The following LDB2 variants were observed in gnomAD, a reference collection of about 807,000 sequenced individuals.
LDB2 encodes the protein LIM domain binding 2.
LDB2 carries 12 observed loss-of-function variants against 44.3 expected under a neutral mutation model. That is an observed-to-expected ratio of 0.27 (90% CI 0.17 to 0.44). The LOEUF (loss-of-function observed/expected upper bound fraction) is 0.44. LDB2 is among the 20% of genes least tolerant of loss of function. The pLI is 1.00. For missense variants in LDB2, 344 were observed against 473.5 expected (o/e 0.73, Z 2.54); for synonymous variants, 164 against 174.8 (o/e 0.94, Z 0.49).
intron 3 of LDB2, among the ~76,000 whole-genome samples, chr4:16,589,984 G>T (rs1200095884): frequency 6.6e-6 from 1 of 152,108 alleles, no homozygotes; most frequent in East Asian, 1.9e-4. Context: ...ATGTACGTAG[G>T]CTACCTGGAA....
At chr4:16,768,472 G>A (rs1374761417) in intron 1 of LDB2, among the ~76,000 whole-genome samples, 2 of 152,062 alleles carry the variant, frequency 1.3e-5, no homozygotes, top group Non-Finnish European at 2.9e-5. Context: ...TGAAATGACC[G>A]AGGCAGAAAC....
intron 2 of LDB2, among the ~76,000 whole-genome samples, chr4:16,643,070 A>T (rs1392520667): frequency 6.6e-6 from 1 of 151,580 alleles, no homozygotes; most frequent in Non-Finnish European, 1.5e-5. Context: ...ACTTGTATGT[A>T]TATTTATTAC....
intron 1 of LDB2, among the ~76,000 whole-genome samples, chr4:16,871,765 C>T (rs931772527): frequency 7.9e-6 from 1 of 125,826 alleles, no homozygotes; most frequent in African/African-American, 5.7e-5. Context: ...GGATCACAGG[C>T]GCCCACCACC....
intron 2 of LDB2, among the ~76,000 whole-genome samples, chr4:16,732,428 C>T (rs564199790): frequency 1.3e-5 from 2 of 152,178 alleles, no homozygotes; most frequent in Non-Finnish European, 2.9e-5. Flanking sequence ...CTTTCGGAGC[C>T]CAAGGAAGCT....
chr4:16,689,605 T>G lies in LDB2; in HGVS notation c.235+69553A>C, dbSNP rs745861227. On this transcript the variant is annotated intron_variant, in intron 2 of 7. Coordinates refer to ENST00000304523, the MANE Select transcript of LDB2 (RefSeq NM_001290.5). ...CTCTTCCACTTAGAAGCTGTCTGAC[T>G]CCTGTTAAATTCTTCAATCTACTTC... Among the ~76,000 whole-genome samples the G allele has an allele frequency of 4.7e-4, 71 of 152,322 alleles. 2 individuals are homozygous for G. The highest frequency in any genetic ancestry group is 6.8e-3 in the Middle Eastern group (2 of 294).
At chr4:16,840,485 T>C (rs1048115716) in intron 1 of LDB2, among the ~76,000 whole-genome samples, 1 of 152,060 alleles carries the variant, frequency 6.6e-6, no homozygotes, top group African/African-American at 2.4e-5. Flanking sequence ...AAGTCAGCAG[T>C]GGGAAGAGGA....
chr4:16,738,801 A>T (rs2108987202), intron 2 of LDB2, among the ~76,000 whole-genome samples: 1 of 152,346 alleles, frequency 6.6e-6, no homozygotes, highest in South Asian at 2.1e-4. Flanking sequence ...TAACATTTGC[A>T]GTCCCATATT....
chr4:16,794,786 T>C (rs1253706232), intron 1 of LDB2, among the ~76,000 whole-genome samples: 1 of 152,236 alleles, frequency 6.6e-6, no homozygotes, highest in Non-Finnish European at 1.5e-5. Flanking sequence ...ATTATTAAAG[T>C]TCTCAGCCTT....
At chr4:16,535,475 A>G (rs1486804609) in intron 5 of LDB2, among the ~76,000 whole-genome samples, 3 of 152,196 alleles carry the variant, frequency 2.0e-5, no homozygotes, top group African/African-American at 7.2e-5. Context: ...GCCAGGTTCT[A>G]TGTCAGATAC....
chr4:16,847,977 T>C (rs531085710), intron 1 of LDB2, among the ~76,000 whole-genome samples: 2 of 152,170 alleles, frequency 1.3e-5, no homozygotes, highest in Admixed American at 6.5e-5. Flanking sequence ...AAAAGCCAAA[T>C]ATAAATGTAA....
chr4:16,803,349 G>C (rs1778207930), intron 1 of LDB2, among the ~76,000 whole-genome samples: 1 of 152,122 alleles, frequency 6.6e-6, no homozygotes, highest in African/African-American at 2.4e-5. Context: ...GAAGGATGCT[G>C]ACTTCCTACG....
intron 2 of LDB2, among the ~76,000 whole-genome samples, chr4:16,598,078 C>T (rs920030804): frequency 6.6e-6 from 1 of 152,156 alleles, no homozygotes. Flanking sequence ...CCATAGCAGA[C>T]TAAACCCACA....
At chr4:16,742,076 T>TTTC (rs1763383172) in intron 2 of LDB2, among the ~76,000 whole-genome samples, 1 of 87,580 alleles carries the variant, frequency 1.1e-5, no homozygotes, top group Admixed American at 1.0e-4. Flanking sequence ...TTTCTTTTCT[T>TTTC]TTTTTTTTTT....
chr4:16,519,479 C>T (rs1197067790), intron 5 of LDB2, among the ~76,000 whole-genome samples: 1 of 151,900 alleles, frequency 6.6e-6, no homozygotes, highest in Non-Finnish European at 1.5e-5. Flanking sequence ...ATATCAGTGG[C>T]TTAAATGACT....
chr4:16,628,965 C>T (rs1038398282), intron 2 of LDB2, among the ~76,000 whole-genome samples: 2 of 152,232 alleles, frequency 1.3e-5, no homozygotes, highest in Non-Finnish European at 2.9e-5. Context: ...CTGTGCCTGG[C>T]TCAGTGGGTC....
intron 2 of LDB2, among the ~76,000 whole-genome samples, chr4:16,610,320 C>G (rs933772347): frequency 6.6e-6 from 1 of 152,078 alleles, no homozygotes; most frequent in African/African-American, 2.4e-5. Flanking sequence ...CAAATGATCG[C>G]AACATCTCTC....
chr4:16,885,199 C>T (rs1375221506), intron 1 of LDB2, among the ~76,000 whole-genome samples: 7 of 144,318 alleles, frequency 4.9e-5, no homozygotes, highest in South Asian at 2.3e-4. Flanking sequence ...AGTCAAATGT[C>T]GTGGTGCATG....
Position 16,536,033 on chromosome 4 carries a change from C to T in LDB2, c.616-23929G>A, listed in dbSNP as rs536985117. Reference sequence around the variant, plus strand: ...TAGATGAAGCTGCATAGCACAAAAACCCAATCCCAACTATGCTTACTTTGT... The same window carrying T: ...TAGATGAAGCTGCATAGCACAAAAATCCAATCCCAACTATGCTTACTTTGT... On this transcript the variant is annotated intron_variant, in intron 5 of 7. Transcript: ENST00000304523. Among the ~76,000 whole-genome samples, 3 of 152,296 alleles carry T rather than the reference C, an allele frequency of 2.0e-5. No individual in the cohort carries two copies. The East Asian group carries it at 5.8e-4, about 29-fold the overall frequency.
intron 2 of LDB2, among the ~76,000 whole-genome samples, chr4:16,673,829 A>G (rs1745540829): frequency 1.3e-5 from 2 of 152,220 alleles, no homozygotes; most frequent in Admixed American, 1.3e-4. Flanking sequence ...GGGTTGGGAA[A>G]GCATGGGCTA....
Sources: allele counts gnomAD v4.1 joint callset (sites outside exome capture counted in the v4.1 genomes callset), GRCh38; gene constraint gnomAD v4.1.1; transcripts MANE v1.5; gene names NCBI Gene and HGNC (gene_info 2026-07-23, HGNC 2026-07-21).